Variants in FRMD4A observed in about 807,000 individuals in gnomAD.
The protein encoded by FRMD4A is FERM domain containing 4A, also known as FERM domain-containing protein 4A.
FRMD4A carries 29 observed loss-of-function variants against 129.1 expected under a neutral mutation model. The ratio of observed to expected loss-of-function variants is 0.22; its 90% CI spans 0.17 to 0.31. FRMD4A has a LOEUF of 0.31. FRMD4A is among the 10% of genes least tolerant of loss of function. The pLI, the probability that FRMD4A is intolerant of heterozygous loss-of-function variation, is 1.00. For synonymous variants in FRMD4A, 634 were observed against 571.6 expected, an observed-to-expected ratio of 1.11 and a Z score of -1.56; for missense variants, 1,272 against 1,375.8, an observed-to-expected ratio of 0.92 and a Z score of 1.19.
chr10:14,158,722 G>C (rs1840726583), intron 2 of FRMD4A, among the ~76,000 whole-genome samples: 1 of 151,022 alleles, frequency 6.6e-6, no homozygotes, highest in Non-Finnish European at 1.5e-5. Context: ...AGGAGGAAGA[G>C]GAGGATGAAG....
intron 2 of FRMD4A, among the ~76,000 whole-genome samples, chr10:14,319,206 A>G (rs1178326621): frequency 6.6e-6 from 1 of 152,216 alleles, no homozygotes; most frequent in African/African-American, 2.4e-5. Context: ...AGTGTGGAAC[A>G]GAGACAAGCC....
At chr10:13,754,777 A>G (rs1229441574) in intron 8 of FRMD4A, among the ~76,000 whole-genome samples, 2 of 152,150 alleles carry the variant, frequency 1.3e-5, no homozygotes, top group African/African-American at 4.8e-5. Flanking sequence ...CTGTTAAGTT[A>G]CATAAGTTAT....
In FRMD4A at chr10:14,329,993, G is replaced by A. The variant is rs1843451284; in HGVS notation, c.45+65C>T. The A allele has an allele frequency of 5.5e-6, 8 of 1,446,924 alleles. No individual in the cohort carries two copies. In the East Asian group the frequency reaches 1.5e-4, roughly 27 times the overall value. The allele number at this position is 1,446,924 out of a possible 1,614,324, so 89.6% of individuals were successfully genotyped here. On this transcript the variant is annotated intron_variant, in intron 2 of 24. Coordinates refer to ENST00000357447, the MANE Select transcript of FRMD4A (RefSeq NM_018027.5). ...TGCAGCCACTGCAGCGGCAGCAGCA[G>A]CCCACGGTGCAGGGGAGGCTGGAGT... is the stretch of plus-strand genomic sequence containing the variant.
chr10:13,870,850 T>G (rs1435267502), intron 2 of FRMD4A: 1 of 152,418 alleles, frequency 6.6e-6, no homozygotes, highest in East Asian at 1.9e-4. Flanking sequence ...AACGTTCAGT[T>G]ATTGAGTTCT....
At chr10:13,796,222 C>T (rs961260229) in intron 5 of FRMD4A, among the ~76,000 whole-genome samples, 37 of 152,194 alleles carry the variant, frequency 2.4e-4, no homozygotes, top group African/African-American at 8.4e-4. Context: ...ATGTGACCCT[C>T]CCCAAAAGTG....
chr10:13,984,213 G>A (rs1287349176), intron 2 of FRMD4A, among the ~76,000 whole-genome samples: 1 of 152,182 alleles, frequency 6.6e-6, no homozygotes, highest in Non-Finnish European at 1.5e-5. Context: ...AGCCCACATG[G>A]CGGGGTTTTA....
intron 2 of FRMD4A, among the ~76,000 whole-genome samples, chr10:14,189,356 C>T (rs554587257): frequency 2.2e-4 from 33 of 152,234 alleles, no homozygotes; most frequent in South Asian, 6.2e-4. Context: ...GGTGGATCAC[C>T]TGAGGTCAGG....
chr10:13,737,180 C>A (rs1458481341), intron 12 of FRMD4A, among the ~76,000 whole-genome samples: 1 of 152,248 alleles, frequency 6.6e-6, no homozygotes, highest in Non-Finnish European at 1.5e-5. Flanking sequence ...ATCTCCGCCT[C>A]CCGGGCTCAA....
At chr10:14,180,522 G>T (rs984444396) in intron 2 of FRMD4A, among the ~76,000 whole-genome samples, 1 of 152,178 alleles carries the variant, frequency 6.6e-6, no homozygotes, top group African/African-American at 2.4e-5. Context: ...AGACTTACGA[G>T]CAAGCCAGAG....
rs1169756594 is a variant in FRMD4A at position 13,999,121 on chromosome 10, T to C, written c.46-140209A>G. Among the ~76,000 whole-genome samples, 3 of 152,098 alleles carry C rather than the reference T, an allele frequency of 2.0e-5. 1 individual carries two copies. The highest frequency in any genetic ancestry group is 2.0e-4 in the Admixed American group (3 of 15,274). On this transcript the variant is annotated intron_variant, in intron 2 of 24. Coordinates refer to ENST00000357447, the MANE Select transcript of FRMD4A (RefSeq NM_018027.5). ...TACTTGCTGTGCCCTCTGTGTGGGATGTTCTTTCCCCACATGGCTGTGTGG... is the reference window on the plus strand; with the variant it reads ...TACTTGCTGTGCCCTCTGTGTGGGACGTTCTTTCCCCACATGGCTGTGTGG...
chr10:13,993,475 A>C (rs2095610805), intron 2 of FRMD4A, among the ~76,000 whole-genome samples: 1 of 152,192 alleles, frequency 6.6e-6, no homozygotes, highest in South Asian at 2.1e-4. Context: ...GCTCTTGTGC[A>C]ATCTCTAGTT....
At chr10:14,166,090 AT>A (rs1340087750) in intron 2 of FRMD4A, among the ~76,000 whole-genome samples, 1 of 151,486 alleles carries the variant, frequency 6.6e-6, no homozygotes, top group Non-Finnish European at 1.5e-5. Context: ...TATCTTAAAA[AT>A]ATATATTTGA....
At chr10:13,939,944 A>G (rs1019289082) in intron 2 of FRMD4A, among the ~76,000 whole-genome samples, 2 of 152,176 alleles carry the variant, frequency 1.3e-5, no homozygotes, top group South Asian at 4.1e-4. Flanking sequence ...GTATTAAGGT[A>G]TTTGTTTCCA....
intron 2 of FRMD4A, among the ~76,000 whole-genome samples, chr10:13,927,408 A>T (rs1315155363): frequency 1.3e-5 from 2 of 152,230 alleles, no homozygotes; most frequent in Admixed American, 6.5e-5. Context: ...CTGCCCATGA[A>T]TCAGTGCTTG....
At position 13,707,089 on chromosome 10, in the gene FRMD4A, T is replaced by A; in HGVS notation, c.784A>T (p.Asn262Tyr). ...RKIFQWRQLE[N>Y]LYFREKKFSV... is the part of the protein sequence containing the mutation. ...AACTTCTTTTCTCTGAAGTACAGGTTTTCCAACTGTCTCCATTGGAATATC... is the reference window on the plus strand; with the variant it reads ...AACTTCTTTTCTCTGAAGTACAGGTATTCCAACTGTCTCCATTGGAATATC... Residue 262 changes from asparagine (N) to tyrosine (Y), a missense_variant, in exon 13 of 25, where the codon AAC becomes TAC. Asn to Tyr is a moderately radical substitution (Grantham distance 143). Around this residue, in one of 2 missense-constraint regions of FRMD4A, gnomAD observed 300 missense variants for 483.6 expected, o/e 0.62. Transcript: ENST00000357447. The A allele has an allele frequency of 6.3e-7, 1 of 1,584,888 alleles. No individual in the cohort carries two copies. The highest frequency in any genetic ancestry group is 8.7e-7 in the Non-Finnish European group (1 of 1,153,376).
rs77960291 is a variant in FRMD4A, at chr10:14,001,625, G to A, written c.46-142713C>T. Among the ~76,000 whole-genome samples, 41 of 152,244 alleles carry A rather than the reference G, an allele frequency of 2.7e-4. No individual in the cohort carries two copies. In the East Asian group the frequency reaches 4.8e-3, roughly 18 times the overall value. On this transcript the variant is annotated intron_variant, in intron 2 of 24. Coordinates refer to ENST00000357447, the MANE Select transcript of FRMD4A (RefSeq NM_018027.5). ...TGCTATACAAAACAAAATAAATATC[G>A]GTTCACCAAGTTTGGGTCACTTAAA...
intron 3 of FRMD4A, among the ~76,000 whole-genome samples, chr10:13,813,997 ATAATCTTTTGG>A (rs906305966): frequency 9.9e-5 from 15 of 152,196 alleles, no homozygotes; most frequent in Non-Finnish European, 1.6e-4. Flanking sequence ...AACATTTTTG[ATAATCTTTTGG>A]GTTTGCCCTT....
rs571768973 is a variant in FRMD4A at position 14,279,106 on chromosome 10, G to C, written c.45+50952C>G. Among the ~76,000 whole-genome samples the C allele has an allele frequency of 4.6e-5, 7 of 152,072 alleles. No individual in the cohort carries two copies. The South Asian group carries it at 1.5e-3, about 32-fold the overall frequency. On this transcript the variant is annotated intron_variant, in intron 2 of 24. Coordinates refer to ENST00000357447, the MANE Select transcript of FRMD4A (RefSeq NM_018027.5). ...GTGAACCTGATGGCCTTGATTCATG[G>C]GTATTTAGAAAGTGAGAGGTGGATT...
intron 2 of FRMD4A, among the ~76,000 whole-genome samples, chr10:14,064,306 T>C (rs2131706548): frequency 6.6e-6 from 1 of 152,378 alleles, no homozygotes; most frequent in Non-Finnish European, 1.5e-5. Flanking sequence ...AGTTGCACTT[T>C]TCCTTCTGTA....
Sources: allele counts gnomAD v4.1 joint callset (sites outside exome capture counted in the v4.1 genomes callset), GRCh38; gene constraint gnomAD v4.1.1; regional missense constraint gnomAD v4.1.1; transcripts MANE v1.5; gene names NCBI Gene and HGNC (gene_info 2026-07-23, HGNC 2026-07-21).